The following ZNF532 variants were observed in gnomAD, a reference collection of about 807,000 sequenced individuals.
ZNF532 encodes the protein zinc finger protein 532.
Under a neutral mutation model 89.3 loss-of-function variants are expected in ZNF532, and 22 were observed. The ratio of observed to expected loss-of-function variants is 0.25; its 90% CI spans 0.18 to 0.35. ZNF532 has a LOEUF of 0.35. Ranked by LOEUF, ZNF532 falls within the 10% of genes least tolerant of loss-of-function variation. The pLI is 1.00. For synonymous variants in ZNF532, 606 were observed against 649.6 expected (o/e 0.93, Z 1.02); for missense variants, 1,132 against 1,643.4 (o/e 0.69, Z 5.38).
At position 58,880,771 on chromosome 18, in the gene ZNF532, C is replaced by CGTGTGTGTGTGTGTGTGTGT. The variant is rs1555704786; in HGVS notation, c.-18+15194_-18+15195insGTGTGTGTGTGTGTGTGTGT. ...TCATAGGCGCGCGCGCACGCGCGCG[C>CGTGTGTGTGTGTGTGTGTGT]GTCTGTGTGTGTGTGTGTATGTTTG... On this transcript the variant is annotated intron_variant, in intron 2 of 9. Coordinates refer to ENST00000591808, the MANE Select transcript of ZNF532 (RefSeq NM_001375912.1). Among the ~76,000 whole-genome samples the CGTGTGTGTGTGTGTGTGTGT allele has an allele frequency of 3.4e-3, 489 of 145,366 alleles. 6 individuals are homozygous for CGTGTGTGTGTGTGTGTGTGT. Among genetic ancestry groups the CGTGTGTGTGTGTGTGTGTGT allele is most frequent in the East Asian group, 0.015 (74 of 4,938 alleles).
At chr18:58,888,797 ATT>A (rs1468802651) in intron 2 of ZNF532, among the ~76,000 whole-genome samples, 2 of 50,684 alleles carry the variant, frequency 3.9e-5, no homozygotes, top group Admixed American at 3.7e-4. Flanking sequence ...AATATATATA[ATT>A]TATATATATA....
chr18:58,909,885 T>C (rs2060176719), intron 2 of ZNF532, among the ~76,000 whole-genome samples: 2 of 152,174 alleles, frequency 1.3e-5, no homozygotes, highest in Admixed American at 6.5e-5. Context: ...GCTGTCTCCT[T>C]TGTATTATGT....
intron 3 of ZNF532, among the ~76,000 whole-genome samples, chr18:58,929,403 C>A (rs2061773591): frequency 6.6e-6 from 1 of 152,198 alleles, no homozygotes; most frequent in Admixed American, 6.5e-5. Flanking sequence ...ATTTCTAGAT[C>A]CCGCTCTGCT....
At chr18:58,876,515 T>A (rs1290549380) in intron 2 of ZNF532, among the ~76,000 whole-genome samples, 16 of 152,180 alleles carry the variant, frequency 1.1e-4, no homozygotes, top group Admixed American at 1.0e-3. Context: ...CCAGGACTGT[T>A]TTTTTTGATC....
chr18:58,979,289 G>A (rs945406091), intron 8 of ZNF532, 122 bp downstream of exon 8: 15 of 591,314 alleles, frequency 2.5e-5, no homozygotes, highest in Non-Finnish European at 3.7e-5. Flanking sequence ...TTTCTCAATT[G>A]TATTATTGTT....
chr18:58,931,970 C>G (rs2062001586), intron 3 of ZNF532, among the ~76,000 whole-genome samples: 1 of 151,926 alleles, frequency 6.6e-6, no homozygotes, highest in Non-Finnish European at 1.5e-5. Flanking sequence ...AAACCCAAAC[C>G]AAATGGAGTC....
chr18:58,928,259 C>G (rs1487529947), intron 3 of ZNF532, among the ~76,000 whole-genome samples: 1 of 152,164 alleles, frequency 6.6e-6, no homozygotes, highest in African/African-American at 2.4e-5. Flanking sequence ...CCTTCTGAGA[C>G]TGCCAGTATG....
intron 7 of ZNF532, among the ~76,000 whole-genome samples, chr18:58,972,229 G>A (rs1434424653): frequency 6.6e-6 from 1 of 152,178 alleles, no homozygotes; most frequent in Non-Finnish European, 1.5e-5. Flanking sequence ...AACTGTCAGT[G>A]TGTGTAGATA....
intron 7 of ZNF532, among the ~76,000 whole-genome samples, chr18:58,962,961 CAT>C (rs1457580351): frequency 6.6e-5 from 10 of 152,190 alleles, no homozygotes; most frequent in Admixed American, 5.2e-4. Flanking sequence ...TGGGAACACT[CAT>C]ACCACCTGGG....
chr18:58,874,261 T>A (rs914944253), intron 2 of ZNF532, among the ~76,000 whole-genome samples: 1 of 152,158 alleles, frequency 6.6e-6, no homozygotes, highest in Non-Finnish European at 1.5e-5. Context: ...GACACAAGGG[T>A]AGTGTATTTG....
At position 58,901,697 on chromosome 18, in the gene ZNF532, A is replaced by G. The variant is rs80098482; in HGVS notation, c.-17-16574A>G. The stretch of plus-strand genomic sequence containing the variant: ...TACAAGTGACGATGAGTCCACCTGC[A>G]GGGGTGGAGTCACCAGTTAGCATGG... On this transcript the variant is annotated intron_variant, in intron 2 of 9. Coordinates refer to ENST00000591808, the MANE Select transcript of ZNF532 (RefSeq NM_001375912.1). Among the ~76,000 whole-genome samples the G allele has an allele frequency of 4.9e-3, 740 of 152,294 alleles. 7 individuals are homozygous for G. Among genetic ancestry groups the G allele is most frequent in the African/African-American group, 0.016 (671 of 41,570 alleles).
At chr18:58,884,208 G>A (rs987831921) in intron 2 of ZNF532, among the ~76,000 whole-genome samples, 1 of 152,240 alleles carries the variant, frequency 6.6e-6, no homozygotes. Flanking sequence ...GTGAAACCCT[G>A]TCTCTACTAA....
intron 6 of ZNF532, among the ~76,000 whole-genome samples, chr18:58,952,576 T>C (rs1336820089): frequency 6.6e-6 from 1 of 152,096 alleles, no homozygotes; most frequent in Non-Finnish European, 1.5e-5. Flanking sequence ...GAGTAATTTA[T>C]TAATCTTTTT....
intron 8 of ZNF532, chr18:58,980,483 C>G (rs2067626843): frequency 6.6e-6 from 1 of 152,186 alleles, no homozygotes; most frequent in Admixed American, 6.5e-5. Flanking sequence ...CTGCAAGTGT[C>G]TCTAATGTGA....
At chr18:58,967,145 G>C (rs992754034) in intron 7 of ZNF532, among the ~76,000 whole-genome samples, 1 of 152,208 alleles carries the variant, frequency 6.6e-6, no homozygotes, top group South Asian at 2.1e-4. Flanking sequence ...CTAGGATTTA[G>C]GGGCTGGTAG....
At chr18:58,886,261 G>A (rs570278625) in intron 2 of ZNF532, among the ~76,000 whole-genome samples, 2 of 152,152 alleles carry the variant, frequency 1.3e-5, no homozygotes, top group Non-Finnish European at 1.5e-5. Flanking sequence ...GATTACAGGC[G>A]TGAGCCACTG....
intron 2 of ZNF532, among the ~76,000 whole-genome samples, chr18:58,881,401 G>C (rs566354889): frequency 1.4e-4 from 22 of 152,246 alleles, no homozygotes; most frequent in Non-Finnish European, 2.9e-4. Context: ...CCAAAGTGCT[G>C]GGATTACACG....
chr18:58,866,041 T>C (rs1452995719), intron 2 of ZNF532, among the ~76,000 whole-genome samples: 1 of 152,236 alleles, frequency 6.6e-6, no homozygotes, highest in African/African-American at 2.4e-5. Context: ...CCTTGCTCTC[T>C]TGTGTTAACC....
chr18:58,969,067 A>G (rs758829056), intron 7 of ZNF532, among the ~76,000 whole-genome samples: 7 of 152,224 alleles, frequency 4.6e-5, no homozygotes, highest in Non-Finnish European at 1.0e-4. Flanking sequence ...CCAGAAGGTA[A>G]CTGGGAGGTA....
Sources: gnomAD v4.1 joint callset for allele counts (sites outside exome capture counted in the v4.1 genomes callset) on GRCh38, gnomAD v4.1.1 for gene constraint, MANE v1.5 for transcripts, NCBI Gene and HGNC (gene_info 2026-07-23, HGNC 2026-07-21) for gene names.